HMCN1: variants seen among roughly 807,000 people sequenced by gnomAD.
HMCN1 encodes hemicentin 1.
HMCN1 carries 321 observed loss-of-function variants against 625.9 expected under a neutral mutation model. The ratio of observed to expected loss-of-function variants is 0.51; its 90% CI spans 0.47 to 0.56. The LOEUF is 0.56. Among genes scored for constraint, HMCN1 ranks in the 20% least tolerant of loss-of-function variants. The pLI is 0.00. For missense variants in HMCN1, 6,588 were observed against 6,887.3 expected, an observed-to-expected ratio of 0.96 and a Z score of 1.54; for synonymous variants, 2,425 against 2,417.6, an observed-to-expected ratio of 1.00 and a Z score of -0.09.
intron 46 of HMCN1, among the ~76,000 whole-genome samples, chr1:186,057,922 T>C (rs954957546): frequency 1.3e-5 from 2 of 152,156 alleles, no homozygotes; most frequent in African/African-American, 4.8e-5. Context: ...AGCTTGTCAT[T>C]TGTGGATCAA....
chr1:186,114,344 C>T (rs185422784), intron 73 of HMCN1, among the ~76,000 whole-genome samples: 93 of 152,196 alleles, frequency 6.1e-4, no homozygotes, highest in African/African-American at 2.1e-3. Flanking sequence ...GCAACCTCCA[C>T]CTCCTGGGTT....
At chr1:185,741,259 A>G (rs1387580509) in intron 1 of HMCN1, among the ~76,000 whole-genome samples, 1 of 152,158 alleles carries the variant, frequency 6.6e-6, no homozygotes, top group East Asian at 1.9e-4. Context: ...TTATAGCTAC[A>G]CTGAATGGAC....
At chr1:185,964,317 T>A (rs1003579749) in intron 13 of HMCN1, among the ~76,000 whole-genome samples, 1 of 152,134 alleles carries the variant, frequency 6.6e-6, no homozygotes, top group African/African-American at 2.4e-5. Context: ...AACTTAAACA[T>A]TTATTGGAAG....
At chr1:186,167,811 A>G (rs1571453359) in intron 100 of HMCN1, among the ~76,000 whole-genome samples, 3 of 152,148 alleles carry the variant, frequency 2.0e-5, no homozygotes, top group South Asian at 2.1e-4. Flanking sequence ...TCATGGCTTG[A>G]TAGTTCATTT....
In HMCN1 at chr1:186,144,142, G is replaced by T. The variant is rs764086269; in HGVS notation, c.13925-31G>T. On this transcript the variant is annotated intron_variant, in intron 89 of 106. Coordinates refer to ENST00000271588, the MANE Select transcript of HMCN1 (RefSeq NM_031935.3). ...TGGTTTTAAACAAACACGGTTCTGT[G>T]ACTTGCAACTGTCTTTTGGGGTGTT... is the stretch of plus-strand genomic sequence containing the variant. 5 of 1,557,048 alleles carry T rather than the reference G, an allele frequency of 3.2e-6. No homozygotes were observed. The South Asian group carries it at 6.1e-5, about 19-fold the overall frequency.
intron 6 of HMCN1, among the ~76,000 whole-genome samples, chr1:185,914,206 T>A (rs1666578262): frequency 6.6e-6 from 1 of 152,108 alleles, no homozygotes; most frequent in Admixed American, 6.6e-5. Flanking sequence ...ACAAAGGAAA[T>A]TGAACTGAAT....
intron 102 of HMCN1, among the ~76,000 whole-genome samples, chr1:186,173,841 A>T (rs1246134476): frequency 1.3e-5 from 2 of 152,136 alleles, no homozygotes; most frequent in East Asian, 3.9e-4. Flanking sequence ...AAATGTGGAG[A>T]TACATGGTTT....
At chr1:186,086,496 T>A in intron 58 of HMCN1, 89 bp downstream of exon 58, 1 of 1,316,578 alleles carries the variant, frequency 7.6e-7, no homozygotes. Flanking sequence ...TTTCCAAACT[T>A]TTGTCGTGCT....
At chr1:185,801,854 G>A (rs1209364629) in intron 1 of HMCN1, among the ~76,000 whole-genome samples, 1 of 152,190 alleles carries the variant, frequency 6.6e-6, no homozygotes, top group African/African-American at 2.4e-5. Flanking sequence ...TGTTGTCCAT[G>A]CTTAGGAGTT....
intron 6 of HMCN1, among the ~76,000 whole-genome samples, chr1:185,913,205 T>C (rs1016905289): frequency 1.1e-4 from 17 of 152,224 alleles, no homozygotes; most frequent in Admixed American, 7.9e-4. Flanking sequence ...AAAAGGCATG[T>C]GAAAGAAAAT....
intron 1 of HMCN1, among the ~76,000 whole-genome samples, chr1:185,841,821 G>A (rs1661494846): frequency 1.3e-5 from 2 of 152,096 alleles, no homozygotes; most frequent in Non-Finnish European, 2.9e-5. Flanking sequence ...TACCCTATGA[G>A]GTGGTTATAA....
Position 185,734,685 on chromosome 1 carries a change from A to T in HMCN1, c.-95A>T. The stretch of plus-strand genomic sequence containing the variant: ...GTTCAGAGATTCCAAGAGTCTGATG[A>T]GTTACTCTGAGAGGAAACCCTCTGC... On this transcript the variant is annotated 5_prime_UTR_variant, in exon 1 of 107. Coordinates refer to ENST00000271588, the MANE Select transcript of HMCN1 (RefSeq NM_031935.3). 1 of 1,217,396 alleles carries T rather than the reference A, an allele frequency of 8.2e-7. No homozygotes were observed. The highest frequency in any genetic ancestry group is 1.2e-6 in the Non-Finnish European group (1 of 828,044). 75.4% of individuals were successfully genotyped at this position (1,217,396 alleles called of 1,614,324 possible).
At chr1:185,804,194 C>T (rs1659013658) in intron 1 of HMCN1, among the ~76,000 whole-genome samples, 2 of 151,968 alleles carry the variant, frequency 1.3e-5, no homozygotes, top group South Asian at 2.1e-4. Flanking sequence ...TTTTAGTTTT[C>T]CTAGTAACAC....
rs752279443 is a variant in HMCN1 at position 186,153,932 on chromosome 1, C to T, written c.15201C>T (p.Asp5067=). 3 of 1,614,100 alleles carry T rather than the reference C, an allele frequency of 1.9e-6. No individual in the cohort carries two copies. The highest frequency in any genetic ancestry group is 2.7e-5 in the African/African-American group (2 of 75,046). The change falls in exon 97 of 107, where the codon GAC becomes GAT. Residue 5067 remains aspartate, a synonymous_variant. Coordinates refer to ENST00000271588, the MANE Select transcript of HMCN1 (RefSeq NM_031935.3). ...ETLHASSVES[D]YNQIEETLGF... ...TTCATGCATCCTCTGTGGAATCTGA[C>T]TATAACCAGATAGAAGAGACACTGG... is the stretch of plus-strand genomic sequence containing the variant.
intron 4 of HMCN1, among the ~76,000 whole-genome samples, chr1:185,902,415 CTATCTATCTATCTATCTA>C (rs1665866038): frequency 7.5e-6 from 1 of 134,100 alleles, no homozygotes; most frequent in African/African-American, 3.8e-5. Context: ...CTCTATCTAT[CTATCTATCTATCTATCTA>C]TCTATCTATC....
chr1:185,917,212 C>T (rs902671885), intron 6 of HMCN1, among the ~76,000 whole-genome samples: 4 of 152,028 alleles, frequency 2.6e-5, no homozygotes, highest in African/African-American at 9.7e-5. Flanking sequence ...TTTACTAGCA[C>T]CCCACTGACC....
At chr1:185,864,055 G>A (rs1558023851) in intron 2 of HMCN1, among the ~76,000 whole-genome samples, 1 of 152,168 alleles carries the variant, frequency 6.6e-6, no homozygotes, top group South Asian at 2.1e-4. Flanking sequence ...GGCTGCTTCT[G>A]CAGATGGGTT....
At chr1:185,951,863 A>G (rs1052278069) in intron 11 of HMCN1, among the ~76,000 whole-genome samples, 18 of 151,956 alleles carry the variant, frequency 1.2e-4, no homozygotes, top group African/African-American at 4.1e-4. Context: ...TTTGTCTCAC[A>G]GTGGAGGCAA....
chr1:185,983,771 A>C (rs1437703897), intron 18 of HMCN1, among the ~76,000 whole-genome samples: 1 of 152,220 alleles, frequency 6.6e-6, no homozygotes, highest in Non-Finnish European at 1.5e-5. Context: ...TATGTGCCAA[A>C]ATAAAAATAT....
Sources: gnomAD v4.1 joint callset for allele counts (sites outside exome capture counted in the v4.1 genomes callset) on GRCh38, gnomAD v4.1.1 for gene constraint, MANE v1.5 for transcripts, NCBI Gene and HGNC (gene_info 2026-07-23, HGNC 2026-07-21) for gene names.